SPCS1: variants seen among roughly 807,000 people sequenced by gnomAD.
The protein encoded by SPCS1 is SPase 12 kDa subunit.
SPCS1 carries 10 observed loss-of-function variants against 16.4 expected under a neutral mutation model. The observed-to-expected ratio is 0.61, with a 90% CI of 0.38 to 1.03. The LOEUF (loss-of-function observed/expected upper bound fraction) is 1.03, where lower values mean the gene tolerates loss of function less well. Ranked by LOEUF, SPCS1 falls within the 50% of genes least tolerant of loss-of-function variation. SPCS1 has a pLI of 0.01. For missense variants in SPCS1, 118 were observed against 123.8 expected (o/e 0.95, Z 0.22); for synonymous variants, 47 against 42.5 (o/e 1.10, Z -0.41).
At position 52,708,840 on chromosome 3, in the gene SPCS1, T is replaced by TGTAA. The variant is rs1578603839; in HGVS notation, c.*1031_*1034dup. 1 of 152,130 alleles carries TGTAA rather than the reference T, an allele frequency of 6.6e-6. No homozygotes were observed. The highest frequency in any genetic ancestry group is 6.5e-5 in the Admixed American group (1 of 15,270). The allele number at this position is 152,130 out of a possible 1,614,324, so 9.4% of individuals were successfully genotyped here. On this transcript the variant is annotated 3_prime_UTR_variant, in exon 4 of 4. Transcript: ENST00000619898. ...CAAGGACATAAAACTTCCTTAGCTT[T>TGTAA]GTAAGTCTGTGGAAATCAAAACTTC...
rs1426441727 is a variant in SPCS1, at chr3:52,711,084, T to C, written c.*3272T>C. The C allele has an allele frequency of 6.5e-6, 1 of 152,674 alleles. No individual in the cohort carries two copies. The highest frequency in any genetic ancestry group is 2.4e-5 in the African/African-American group (1 of 41,466). 9.5% of individuals were successfully genotyped at this position (152,674 alleles called of 1,614,324 possible). A position where few individuals can be genotyped will look rare whatever the true frequency, so the allele number is the denominator to read the frequency against. On this transcript the variant is annotated 3_prime_UTR_variant, in exon 4 of 4. Transcript: ENST00000619898. ...ATGAAATTTGTGTTTAAGAAATGTT[T>C]TCACTGATGGAAAAATAAATCTAAC...
In SPCS1 at chr3:52,707,862, T is replaced by C; in HGVS notation, c.*50T>C. 1 of 1,611,098 alleles carries C rather than the reference T, an allele frequency of 6.2e-7. No homozygotes were observed. The highest frequency in any genetic ancestry group is 1.7e-5 in the Admixed American group (1 of 59,860). On this transcript the variant is annotated 3_prime_UTR_variant, in exon 4 of 4. Transcript: ENST00000619898. ...TTTGTTTCTGTGAGATGAGCTAAAT[T>C]GCTTTCATACCCCAGATAAGAGCTA...
At chr3:52,707,033 A>G (rs974757298) in intron 3 of SPCS1, 154 bp downstream of exon 3, 55 of 676,646 alleles carry the variant, frequency 8.1e-5, no homozygotes, top group Non-Finnish European at 1.4e-4. Flanking sequence ...GAATGCCAAA[A>G]TAGTGTCAGA....
chr3:52,706,995 G>GTTTC (rs1279842110), intron 3 of SPCS1, 116 bp downstream of exon 3: 1 of 779,402 alleles, frequency 1.3e-6, no homozygotes, highest in Non-Finnish European at 2.3e-6. Flanking sequence ...TCCAAACAGC[G>GTTTC]TTTCCCTTTG....
intron 1 of SPCS1, 62 bp downstream of exon 1, chr3:52,706,344 TG>T: frequency 6.5e-7 from 1 of 1,535,218 alleles, no homozygotes; most frequent in Non-Finnish European, 8.8e-7. Flanking sequence ...TCGAAGCCCA[TG>T]TTGGAGCACC....
chr3:52,707,691 C>CA lies in SPCS1; in HGVS notation c.189dup (p.Leu64ThrfsTer33), dbSNP rs777525360. Reference sequence around the variant, plus strand: ...ATTTCCTCTTTTCTGGCCCAGCTGACACTTCCTCCATGGCCCATCTATCGC... The same window carrying CA: ...ATTTCCTCTTTTCTGGCCCAGCTGACAACTTCCTCCATGGCCCATCTATCGC... On this transcript the variant is annotated frameshift_variant, in exon 4 of 4. Transcript: ENST00000619898. LOFTEE classifies it high-confidence loss of function. The CA allele has an allele frequency of 6.2e-7, 1 of 1,613,386 alleles. No homozygotes were observed. The highest frequency in any genetic ancestry group is 8.5e-7 in the Non-Finnish European group (1 of 1,179,696).
rs2154101543 is a variant in SPCS1 at position 52,710,455 on chromosome 3, TTTAG to T, written c.*2647_*2650del. ...TGTAATTTTCAAAGATAGATATATT[TTTAG>T]TTATAGAAACTGAAAACAGGGCTGG... On this transcript the variant is annotated 3_prime_UTR_variant, in exon 4 of 4. Coordinates refer to ENST00000619898, the MANE Select transcript of SPCS1 (RefSeq NM_014041.5). 6.6e-6 allele frequency: 1 copy of T among 151,982 alleles called. No homozygotes were observed. Among genetic ancestry groups the T allele is most frequent in the East Asian group, 1.9e-4 (1 of 5,148 alleles). 9.4% of individuals were successfully genotyped at this position (151,982 alleles called of 1,614,324 possible).
rs1457591919 is a variant in SPCS1, at chr3:52,706,238, C to T, written c.-9C>T. ...ACCCGCGCTCAGCTGCCCGCCTCCT[C>T]AGCCAGCCATGCTGGAGCATCTGAG... On this transcript the variant is annotated 5_prime_UTR_variant, in exon 1 of 4. Coordinates refer to ENST00000619898, the MANE Select transcript of SPCS1 (RefSeq NM_014041.5). 3 of 1,590,326 alleles carry T rather than the reference C, an allele frequency of 1.9e-6. No homozygotes were observed. Among genetic ancestry groups the T allele is most frequent in the Non-Finnish European group, 2.6e-6 (3 of 1,176,058 alleles).
At position 52,706,673 on chromosome 3, in the gene SPCS1, G is replaced by T; in HGVS notation, c.66G>T (p.Gln22His). 1.9e-6 allele frequency: 3 copies of T among 1,614,112 alleles called. No homozygotes were observed. Among genetic ancestry groups the T allele is most frequent in the Non-Finnish European group, 2.5e-6 (3 of 1,180,000 alleles). ...MDYKGQKLAE[Q>H]MFQGIILFSA... The stretch of plus-strand genomic sequence containing the variant: ...ACAAGGGCCAGAAGCTAGCTGAACA[G>T]ATGTTTCAGGGAATTATTCTTTTTT... Residue 22 changes from glutamine to histidine, a missense_variant, in exon 2 of 4, where the codon CAG becomes CAT. Coordinates refer to ENST00000619898, the MANE Select transcript of SPCS1 (RefSeq NM_014041.5).
Position 52,708,105 on chromosome 3 carries a change from C to G in SPCS1, c.*293C>G. ...ATAAATGATAGTACAATGTAACTAT[C>G]AAAGTTTTATAATTCATTATGAGTT... is the stretch of plus-strand genomic sequence containing the variant. On this transcript the variant is annotated 3_prime_UTR_variant, in exon 4 of 4. Transcript: ENST00000619898. The G allele has an allele frequency of 4.8e-6, 1 of 208,452 alleles. No individual in the cohort carries two copies. The highest frequency in any genetic ancestry group is 1.0e-4 in the East Asian group (1 of 9,626). The allele number at this position is 208,452 out of a possible 1,614,324, so 12.9% of individuals were successfully genotyped here.
chr3:52,706,558 C>A, intron 1 of SPCS1, 86 bp from the exon 2 acceptor site: 1 of 1,285,740 alleles, frequency 7.8e-7, no homozygotes, highest in Non-Finnish European at 1.1e-6. Flanking sequence ...GTTGGGGTTA[C>A]CCTGTGCCAG....
rs913290281 is a variant in SPCS1, at chr3:52,711,146, C to T, written c.*3334C>T. 1 of 152,362 alleles carries T rather than the reference C, an allele frequency of 6.6e-6. No homozygotes were observed. The highest frequency in any genetic ancestry group is 2.1e-4 in the South Asian group (1 of 4,816). 9.4% of individuals were successfully genotyped at this position (152,362 alleles called of 1,614,324 possible). ...GTAAAAACATACTGATTTACAAAGC[C>T]AATGTGTCTCAGTTTTAATTTGTAT... On this transcript the variant is annotated 3_prime_UTR_variant, in exon 4 of 4. Coordinates refer to ENST00000619898, the MANE Select transcript of SPCS1 (RefSeq NM_014041.5).
At position 52,707,958 on chromosome 3, in the gene SPCS1, G is replaced by T. The variant is rs2097346305; in HGVS notation, c.*146G>T. 1 of 1,033,776 alleles carries T rather than the reference G, an allele frequency of 9.7e-7. No individual in the cohort carries two copies. The highest frequency in any genetic ancestry group is 1.4e-6 in the Non-Finnish European group (1 of 712,180). The allele number at this position is 1,033,776 out of a possible 1,614,324, so 64.0% of individuals were successfully genotyped here. ...CTCTTTATACTTCATTTCTAGCCCA[G>T]TTGGGTTTTGATTTATATAAGTAGT... On this transcript the variant is annotated 3_prime_UTR_variant, in exon 4 of 4. Coordinates refer to ENST00000619898, the MANE Select transcript of SPCS1 (RefSeq NM_014041.5).
At chr3:52,706,611 A>T in intron 1 of SPCS1, 33 bp from the exon 2 acceptor site, 1 of 1,604,564 alleles carries the variant, frequency 6.2e-7, no homozygotes, top group Non-Finnish European at 8.5e-7. Flanking sequence ...TCGGCGGTGG[A>T]ACCAATTCTT....
chr3:52,707,123 AGGAGTTTTCATGG>A (rs1387220497), intron 3 of SPCS1: 7 of 494,464 alleles, frequency 1.4e-5, no homozygotes, highest in Non-Finnish European at 2.5e-5. Flanking sequence ...CAAAGCCAGC[AGGAGTTTTCATGG>A]TGCTCACGTT....
chr3:52,710,597 AC>A lies in SPCS1; in HGVS notation c.*2786del, dbSNP rs2097349448. 1 of 152,062 alleles carries A rather than the reference AC, an allele frequency of 6.6e-6. No homozygotes were observed. Among genetic ancestry groups the A allele is most frequent in the African/African-American group, 2.4e-5 (1 of 41,404 alleles). 9.4% of individuals were successfully genotyped at this position (152,062 alleles called of 1,614,324 possible). ...GGCAATGTGGTGTAACCCTGTCTCT[AC>A]AAAAAATACAAAAACTAGCCAGGTG... On this transcript the variant is annotated 3_prime_UTR_variant, in exon 4 of 4. Coordinates refer to ENST00000619898, the MANE Select transcript of SPCS1 (RefSeq NM_014041.5).
At position 52,709,400 on chromosome 3, in the gene SPCS1, G is replaced by GTAAT. The variant is rs760890449; in HGVS notation, c.*1593_*1596dup. ...AAACAAAATAAAAATATACAGTATG[G>GTAAT]TAATTAATAAGAAAGTATGGGGGAA... On this transcript the variant is annotated 3_prime_UTR_variant, in exon 4 of 4. Transcript: ENST00000619898. The GTAAT allele has an allele frequency of 6.6e-6, 1 of 151,950 alleles. No individual in the cohort carries two copies. The highest frequency in any genetic ancestry group is 6.6e-5 in the Admixed American group (1 of 15,236). 9.4% of individuals were successfully genotyped at this position (151,950 alleles called of 1,614,324 possible).
rs919431818 is a variant in SPCS1, at chr3:52,710,312, C to G, written c.*2500C>G. On this transcript the variant is annotated 3_prime_UTR_variant, in exon 4 of 4. Transcript: ENST00000619898. ...CCTGGGAGGCGGAGCTTGCAGTGAT[C>G]TGAGATTGGGCCACTGCACTTCAGC... The G allele has an allele frequency of 1.3e-5, 2 of 151,050 alleles. No individual in the cohort carries two copies. Among genetic ancestry groups the G allele is most frequent in the Non-Finnish European group, 2.9e-5 (2 of 67,970 alleles). 9.4% of individuals were successfully genotyped at this position (151,050 alleles called of 1,614,324 possible).
At position 52,710,928 on chromosome 3, in the gene SPCS1, A is replaced by G. The variant is rs1016531686; in HGVS notation, c.*3116A>G. On this transcript the variant is annotated 3_prime_UTR_variant, in exon 4 of 4. Transcript: ENST00000619898. ...CAACTAATAAAATATGTGCTATATA[A>G]TCATACATTTAAAACATGGAAAGAC... is the stretch of plus-strand genomic sequence containing the variant. 1 of 152,608 alleles carries G rather than the reference A, an allele frequency of 6.6e-6. No individual in the cohort carries two copies. The highest frequency in any genetic ancestry group is 1.5e-5 in the Non-Finnish European group (1 of 68,038). 9.5% of individuals were successfully genotyped at this position (152,608 alleles called of 1,614,324 possible).
Sources: allele counts gnomAD v4.1 joint callset, GRCh38; gene constraint gnomAD v4.1.1; transcripts MANE v1.5; gene names NCBI Gene and HGNC (gene_info 2026-07-23, HGNC 2026-07-21).